COL27A1: variants seen among roughly 807,000 people sequenced by gnomAD.
The protein encoded by COL27A1 is collagen type XXVII alpha 1 chain.
Under a neutral mutation model 251.3 loss-of-function variants are expected in COL27A1, and 106 were observed. The ratio of observed to expected loss-of-function variants is 0.42; its 90% CI spans 0.36 to 0.50. The LOEUF (loss-of-function observed/expected upper bound fraction) is 0.50, where lower values mean the gene tolerates loss of function less well. Among genes scored for constraint, COL27A1 ranks in the 20% least tolerant of loss-of-function variants. COL27A1 has a pLI of 0.00. For missense variants in COL27A1, 2,325 were observed against 2,522.8 expected (o/e 0.92, Z 1.68); for synonymous variants, 1,000 against 986.3 (o/e 1.01, Z -0.26).
At chr9:114,209,341 C>T (rs1038372740) in intron 10 of COL27A1, 17 of 575,978 alleles carry the variant, frequency 3.0e-5, no homozygotes, top group African/African-American at 1.3e-4. Flanking sequence ...GGCTTGGTGC[C>T]GTGCTAGCAT....
At chr9:114,248,282 C>A (rs1053467186) in intron 24 of COL27A1, among the ~76,000 whole-genome samples, 3 of 152,214 alleles carry the variant, frequency 2.0e-5, no homozygotes, top group Non-Finnish European at 4.4e-5. Flanking sequence ...ACACCCCGTC[C>A]AGGGGCAGCC....
rs771576761 is a variant in COL27A1 at position 114,289,333 on chromosome 9, C to T, written c.4206+38C>T. On this transcript the variant is annotated intron_variant, in intron 45 of 60. Transcript: ENST00000356083. ...GGGGTTCAGCAGGGAGACTGAGTCC[C>T]AGGAAGGGGGAAGCCTGACCCACAG... 17 of 1,539,522 alleles carry T rather than the reference C, an allele frequency of 1.1e-5. No homozygotes were observed. The East Asian group carries it at 3.1e-4, about 28-fold the overall frequency.
intron 5 of COL27A1, among the ~76,000 whole-genome samples, chr9:114,186,152 C>T (rs1306476373): frequency 6.6e-6 from 1 of 152,252 alleles, no homozygotes; most frequent in Non-Finnish European, 1.5e-5. Context: ...CATCTTCCTC[C>T]TCCAGAGTCC....
chr9:114,290,238 G>T lies in COL27A1; in HGVS notation c.4275G>T (p.Leu1425=). ...GRRGVQGLQG[L]PGPRGVVGRQ... ...GTACCCCCCAGGGCCTGCAGGGGCT[G>T]CCAGGGCCCCGGGGCGTGGTGGGGA... Residue 1425 remains leucine (L), a synonymous_variant, in exon 47 of 61, where the codon CTG becomes CTT. Coordinates refer to ENST00000356083, the MANE Select transcript of COL27A1 (RefSeq NM_032888.4). This position sits in a 1 kb window ranked among gnomAD's most constrained non-coding sequence, Gnocchi z 4.6. 1.9e-6 allele frequency: 3 copies of T among 1,572,120 alleles called. No individual in the cohort carries two copies. Among genetic ancestry groups the T allele is most frequent in the Admixed American group, 1.9e-5 (1 of 52,654 alleles).
intron 13 of COL27A1, among the ~76,000 whole-genome samples, chr9:114,220,500 G>A (rs532661077): frequency 4.6e-5 from 7 of 152,304 alleles, no homozygotes; most frequent in Admixed American, 1.3e-4. Context: ...ACCAGCACCC[G>A]ATTAGGCGCT....
intron 13 of COL27A1, among the ~76,000 whole-genome samples, chr9:114,220,134 C>T (rs1252862125): frequency 1.3e-5 from 2 of 152,192 alleles, no homozygotes; most frequent in African/African-American, 4.8e-5. Flanking sequence ...GGGTCACTCC[C>T]CACTGGAGAG....
chr9:114,215,471 A>G (rs1030095900), intron 12 of COL27A1, among the ~76,000 whole-genome samples: 3 of 151,856 alleles, frequency 2.0e-5, no homozygotes, highest in African/African-American at 4.8e-5. Flanking sequence ...CTGCCTTCCT[A>G]TTTTCTCCTT....
At chr9:114,261,813 C>A (rs1422590408) in intron 28 of COL27A1, among the ~76,000 whole-genome samples, 1 of 152,202 alleles carries the variant, frequency 6.6e-6, no homozygotes. Context: ...CCTCCATTTC[C>A]TAGCTGTGTG....
intron 10 of COL27A1, among the ~76,000 whole-genome samples, chr9:114,206,737 C>A (rs1829992305): frequency 6.6e-6 from 1 of 152,216 alleles, no homozygotes; most frequent in Non-Finnish European, 1.5e-5. Flanking sequence ...AGCCTGCAGC[C>A]TGGTGGAGTT....
At chr9:114,242,980 C>T (rs1055156298) in intron 22 of COL27A1, among the ~76,000 whole-genome samples, 1 of 152,282 alleles carries the variant, frequency 6.6e-6, no homozygotes, top group East Asian at 1.9e-4. Context: ...TTCTCAACTC[C>T]GCTTCTGCAT....
chr9:114,195,812 C>A (rs2135248526), intron 6 of COL27A1, 147 bp from the exon 7 acceptor site: 1 of 684,386 alleles, frequency 1.5e-6, no homozygotes, highest in South Asian at 1.7e-5. Flanking sequence ...CTGGGCAGCC[C>A]CCGAGTCTCC....
chr9:114,170,626 A>G (rs2567704), intron 3 of COL27A1, among the ~76,000 whole-genome samples: 131,932 of 152,294 alleles, frequency 0.87, 57,364 homozygotes, highest in East Asian at 0.97. Flanking sequence ...TGTCTCCAAG[A>G]GGACGGAGAG....
chr9:114,174,136 C>T (rs1849525711), intron 3 of COL27A1, among the ~76,000 whole-genome samples: 1 of 152,120 alleles, frequency 6.6e-6, no homozygotes, highest in Non-Finnish European at 1.5e-5. Flanking sequence ...TGCCACCATG[C>T]CTGGCTAATT....
intron 37 of COL27A1, among the ~76,000 whole-genome samples, chr9:114,279,799 G>C (rs1835793270): frequency 1.3e-5 from 2 of 152,218 alleles, no homozygotes. Context: ...GCTTCAGTGA[G>C]CTGAGATTGA....
intron 2 of COL27A1, among the ~76,000 whole-genome samples, chr9:114,166,803 C>T (rs531148671): frequency 2.0e-5 from 3 of 152,344 alleles, no homozygotes; most frequent in East Asian, 1.9e-4. Context: ...TCTGGCAAGC[C>T]CTGCTGACAT....
In COL27A1 at chr9:114,207,686, A is replaced by C. The variant is rs549451413; in HGVS notation, c.2268+1390A>C. On this transcript the variant is annotated intron_variant, in intron 10 of 60. Coordinates refer to ENST00000356083, the MANE Select transcript of COL27A1 (RefSeq NM_032888.4). Reference sequence around the variant, plus strand: ...AAGCTGCCCTTCCAACCCTGCCACCACCAGCCTCATATTTCTGAAGTAGGC... The same window carrying C: ...AAGCTGCCCTTCCAACCCTGCCACCCCCAGCCTCATATTTCTGAAGTAGGC... Among the ~76,000 whole-genome samples the C allele has an allele frequency of 4.6e-5, 7 of 152,222 alleles. No individual in the cohort carries two copies. The East Asian group carries it at 1.4e-3, about 29-fold the overall frequency.
intron 25 of COL27A1, among the ~76,000 whole-genome samples, chr9:114,251,628 G>C (rs1254426743): frequency 1.3e-5 from 2 of 152,158 alleles, no homozygotes; most frequent in African/African-American, 2.4e-5. Context: ...CCAACTCTGG[G>C]CTTCTGCTGT....
chr9:114,282,795 C>T (rs1313977216), intron 39 of COL27A1, among the ~76,000 whole-genome samples: 1 of 152,214 alleles, frequency 6.6e-6, no homozygotes. Context: ...ATACTTCCTG[C>T]AATTTGAAGG....
chr9:114,281,828 C>T (rs1300904482), intron 37 of COL27A1, among the ~76,000 whole-genome samples: 1 of 152,120 alleles, frequency 6.6e-6, no homozygotes, highest in Non-Finnish European at 1.5e-5. Context: ...AACTTGGCTG[C>T]CTCAACTGGA....
Sources: allele counts gnomAD v4.1 joint callset (sites outside exome capture counted in the v4.1 genomes callset), GRCh38; gene constraint gnomAD v4.1.1; non-coding constraint Gnocchi (gnomAD v3.1); transcripts MANE v1.5; gene names NCBI Gene and HGNC (gene_info 2026-07-23, HGNC 2026-07-21).